PLEKHA5: variants seen among roughly 807,000 people sequenced by gnomAD.
The protein encoded by PLEKHA5 is pleckstrin homology domain-containing family A member 5.
Under a neutral mutation model 181.9 loss-of-function variants are expected in PLEKHA5, and 55 were observed. That is an observed-to-expected ratio of 0.30 (90% confidence interval 0.24 to 0.38). The LOEUF is 0.38. PLEKHA5 is among the 10% of genes least tolerant of loss of function. The probability of loss-of-function intolerance (pLI) is 1.00; values close to 1 mark genes in which losing one functional copy is unlikely to be tolerated. For missense variants in PLEKHA5, 1,432 were observed against 1,549.5 expected (o/e 0.92, Z 1.27); for synonymous variants, 535 against 529.4 (o/e 1.01, Z -0.15).
intron 3 of PLEKHA5, among the ~76,000 whole-genome samples, chr12:19,210,638 TAAG>T (rs2152172359): frequency 6.6e-6 from 1 of 152,326 alleles, no homozygotes; most frequent in South Asian, 2.1e-4. Context: ...TTTAAGTCAA[TAAG>T]AAAGTATGAT....
chr12:19,357,126 A>C (rs1039944236), intron 26 of PLEKHA5, among the ~76,000 whole-genome samples: 17 of 152,086 alleles, frequency 1.1e-4, no homozygotes, highest in Admixed American at 1.0e-3. Context: ...ATATTTAGAC[A>C]CTGTGCCCCT....
At chr12:19,225,400 T>C (rs2059553271) in intron 3 of PLEKHA5, among the ~76,000 whole-genome samples, 1 of 152,202 alleles carries the variant, frequency 6.6e-6, no homozygotes, top group Non-Finnish European at 1.5e-5. Context: ...TCTTTTTTAA[T>C]TGAAAATTTG....
At position 19,274,733 on chromosome 12, in the gene PLEKHA5, C is replaced by A; in HGVS notation, c.1063C>A (p.Leu355Met). The A allele has an allele frequency of 6.2e-7, 1 of 1,614,034 alleles. No homozygotes were observed. The highest frequency in any genetic ancestry group is 8.5e-7 in the Non-Finnish European group (1 of 1,179,878). ...AATTAATAGTGTAAAGCTGAATTCT[C>A]TGCCATCTGAATATGAGAGTGGGTC... ...TKINSVKLNS[L>M]PSEYESGSAC... Residue 355 changes from leucine (L) to methionine (M), a missense_variant, in exon 11 of 32, where the codon CTG (leucine) becomes ATG (methionine). Leu to Met is a conservative substitution (Grantham distance 15). Coordinates refer to ENST00000429027, the MANE Select transcript of PLEKHA5 (RefSeq NM_001256470.2).
chr12:19,298,215 G>A (rs1198074598), intron 15 of PLEKHA5, among the ~76,000 whole-genome samples: 1 of 151,902 alleles, frequency 6.6e-6, no homozygotes, highest in African/African-American at 2.4e-5. Context: ...AAGAAGAGGA[G>A]TAGGAGGGAC....
chr12:19,145,724 T>A, intron 3 of PLEKHA5, among the ~76,000 whole-genome samples: 1 of 152,150 alleles, frequency 6.6e-6, no homozygotes, highest in Middle Eastern at 3.4e-3. Flanking sequence ...GTGAACCAAT[T>A]TAAACAGAAT....
intron 28 of PLEKHA5, among the ~76,000 whole-genome samples, chr12:19,360,339 G>A (rs2095171859): frequency 1.3e-5 from 2 of 151,874 alleles, no homozygotes; most frequent in South Asian, 4.2e-4. Flanking sequence ...GGGCACAGTG[G>A]CTCATGCCTG....
chr12:19,269,943 G>C (rs889645770), intron 9 of PLEKHA5, 58 bp downstream of exon 9: 3 of 925,712 alleles, frequency 3.2e-6, no homozygotes, highest in Non-Finnish European at 3.5e-6. Flanking sequence ...TCCATGCCTT[G>C]CAAGTATTTC....
intron 3 of PLEKHA5, among the ~76,000 whole-genome samples, chr12:19,167,699 A>T (rs2044827680): frequency 6.6e-6 from 1 of 151,962 alleles, no homozygotes; most frequent in African/African-American, 2.4e-5. Context: ...CGTTGTACTT[A>T]TGGAGTCTTC....
In PLEKHA5 at chr12:19,320,589, T is replaced by A. The variant is rs778002520; in HGVS notation, c.2182T>A (p.Leu728Ile). 3 of 1,520,796 alleles carry A rather than the reference T, an allele frequency of 2.0e-6. No individual in the cohort carries two copies. The South Asian group carries it at 3.5e-5, about 18-fold the overall frequency. The allele number at this position is 1,520,796 out of a possible 1,614,324, so 94.2% of individuals were successfully genotyped here. ...CLSQDEGRGT[L>I]YKYRPEEVDI... ...GTCACAAGATGAAGGTAGAGGCACA[T>A]TATACAAATACAGACCTGAAGAAGT... Residue 728 changes from leucine (L) to isoleucine (I), a missense_variant, in exon 18 of 32, where the codon TTA (leucine) becomes ATA (isoleucine). This residue lies in a region of PLEKHA5 where 1,143 missense variants were observed against 1,168.4 expected (regional missense o/e 0.98). Coordinates refer to ENST00000429027, the MANE Select transcript of PLEKHA5 (RefSeq NM_001256470.2).
intron 3 of PLEKHA5, among the ~76,000 whole-genome samples, chr12:19,158,148 C>T (rs1340701918): frequency 2.0e-5 from 3 of 151,886 alleles, no homozygotes; most frequent in Admixed American, 1.3e-4. Flanking sequence ...GTCAGGAGAT[C>T]GAGACCATTC....
chr12:19,348,074 G>C (rs1362145451), intron 24 of PLEKHA5, among the ~76,000 whole-genome samples: 1 of 151,856 alleles, frequency 6.6e-6, no homozygotes, highest in African/African-American at 2.4e-5. Flanking sequence ...GTAGAGACAG[G>C]GTTTCACCAT....
At chr12:19,267,734 C>G (rs1358432774) in intron 8 of PLEKHA5, among the ~76,000 whole-genome samples, 1 of 151,368 alleles carries the variant, frequency 6.6e-6, no homozygotes. Context: ...GAGGCTGAGG[C>G]TGGCAGATCA....
rs1371463635 is a variant in PLEKHA5 at position 19,256,470 on chromosome 12, TG to T, written c.433-960del. ...CCACACAGTTGTGAGTGGGGCTAGC[TG>T]GGTGCTGGAGCCCAAGAGTGAGTAG... On this transcript the variant is annotated intron_variant, in intron 5 of 31. Coordinates refer to ENST00000429027, the MANE Select transcript of PLEKHA5 (RefSeq NM_001256470.2). Among the ~76,000 whole-genome samples the T allele has an allele frequency of 5.3e-5, 8 of 152,218 alleles. No homozygotes were observed. In the South Asian group the frequency reaches 1.7e-3, roughly 32 times the overall value.
rs563436146 is a variant in PLEKHA5 at position 19,315,034 on chromosome 12, C to G, written c.2118+140C>G. On this transcript the variant is annotated intron_variant, in intron 16 of 31. Coordinates refer to ENST00000429027, the MANE Select transcript of PLEKHA5 (RefSeq NM_001256470.2). ...TTGTTTATGTTTATTTGGAAAACCA[C>G]AATTCATCCATGCTTTTCAAGATGC... is the stretch of plus-strand genomic sequence containing the variant. 14 of 622,996 alleles carry G rather than the reference C, an allele frequency of 2.2e-5. No homozygotes were observed. The South Asian group carries it at 2.4e-4, about 10-fold the overall frequency. 38.6% of individuals were successfully genotyped at this position (622,996 alleles called of 1,614,324 possible).
chr12:19,306,116 C>G (rs1592411372), intron 15 of PLEKHA5, among the ~76,000 whole-genome samples: 1 of 152,062 alleles, frequency 6.6e-6, no homozygotes, highest in East Asian at 1.9e-4. Context: ...CCAAACAGAC[C>G]TCAAAACTGC....
intron 27 of PLEKHA5, among the ~76,000 whole-genome samples, chr12:19,359,165 A>AT (rs1296551536): frequency 6.6e-6 from 1 of 152,220 alleles, no homozygotes; most frequent in Non-Finnish European, 1.5e-5. Context: ...TGGAGACTAA[A>AT]CAAAGCAACA....
chr12:19,208,324 T>C (rs1045277508), intron 3 of PLEKHA5, among the ~76,000 whole-genome samples: 8 of 151,954 alleles, frequency 5.3e-5, no homozygotes, highest in African/African-American at 1.9e-4. Context: ...GGAGAATCGC[T>C]TGAACCCAGG....
At chr12:19,369,973 C>T (rs2095535582) in intron 31 of PLEKHA5, among the ~76,000 whole-genome samples, 175 bp downstream of exon 31, 1 of 152,224 alleles carries the variant, frequency 6.6e-6, no homozygotes, top group African/African-American at 2.4e-5. Context: ...AACATTGGCT[C>T]CTCTGATGAT....
chr12:19,160,211 C>G (rs545997090), intron 3 of PLEKHA5, among the ~76,000 whole-genome samples: 1 of 151,426 alleles, frequency 6.6e-6, no homozygotes, highest in Non-Finnish European at 1.5e-5. Context: ...CATAGAATTC[C>G]AGTGTTCTTA....
Sources: gnomAD v4.1 joint callset for allele counts (sites outside exome capture counted in the v4.1 genomes callset) on GRCh38, gnomAD v4.1.1 for gene constraint, gnomAD v4.1.1 regional missense constraint, MANE v1.5 for transcripts, NCBI Gene and HGNC (gene_info 2026-07-23, HGNC 2026-07-21) for gene names.